ZFHX3: variants seen among roughly 807,000 people sequenced by gnomAD.
ZFHX3 encodes zinc finger homeobox protein 3.
Under a neutral mutation model 279.1 loss-of-function variants are expected in ZFHX3, and 42 were observed. That is an observed-to-expected ratio of 0.15 (90% CI 0.12 to 0.19). ZFHX3 has a LOEUF of 0.19. Ranked by LOEUF, ZFHX3 falls within the 10% of genes least tolerant of loss-of-function variation. The pLI is 1.00. For synonymous variants in ZFHX3, 2,293 were observed against 1,957.8 expected (o/e 1.17, Z -4.52); for missense variants, 4,981 against 4,754.0 (o/e 1.05, Z -1.40).
intron 3 of ZFHX3, among the ~76,000 whole-genome samples, chr16:73,406,855 T>C (rs2017369763): frequency 1.3e-5 from 2 of 152,210 alleles, no homozygotes; most frequent in African/African-American, 4.8e-5. Flanking sequence ...TGCAGCCTTA[T>C]CATCTTGAGC....
intron 2 of ZFHX3, among the ~76,000 whole-genome samples, chr16:73,490,970 A>G (rs1216369291): frequency 2.6e-5 from 4 of 152,206 alleles, no homozygotes; most frequent in Non-Finnish European, 5.9e-5. Context: ...TATTTATCTC[A>G]TTACTCTGTT....
intron 1 of ZFHX3, among the ~76,000 whole-genome samples, chr16:73,830,199 C>T (rs368377666): frequency 0.013 from 1,710 of 135,018 alleles, 14 homozygotes; most frequent in Non-Finnish European, 0.019. Flanking sequence ...TTCTTTGACT[C>T]GGAAAGGGAA....
chr16:73,158,035 G>T (rs899153629), intron 5 of ZFHX3, among the ~76,000 whole-genome samples: 4 of 152,126 alleles, frequency 2.6e-5, no homozygotes, highest in Non-Finnish European at 5.9e-5. Context: ...ACAGGAAAGG[G>T]AGGGTCACAT....
intron 3 of ZFHX3, among the ~76,000 whole-genome samples, chr16:73,344,775 G>T (rs2016094585): frequency 6.6e-6 from 1 of 152,188 alleles, no homozygotes; most frequent in South Asian, 2.1e-4. Context: ...AATGGTAAGG[G>T]AATGGGACAA....
intron 4 of ZFHX3, among the ~76,000 whole-genome samples, chr16:73,286,291 T>A (rs2014594600): frequency 6.6e-6 from 1 of 152,142 alleles, no homozygotes; most frequent in South Asian, 2.1e-4. Context: ...ATAAACCTGA[T>A]TTTCAAAGCT....
rs909470826 is a variant in ZFHX3, at chr16:73,619,466, T to C, written c.-1547+60714A>G. ...TCGTGCCACTGCACTTCAGCCTGGG[T>C]GACAGAGCGATACTGTGTCTCAAAA... On this transcript the variant is annotated intron_variant, in intron 2 of 17. Coordinates refer to the ZFHX3 transcript ENST00000641206. Among the ~76,000 whole-genome samples, 3 of 139,402 alleles carry C rather than the reference T, an allele frequency of 2.2e-5. No homozygotes were observed. In the South Asian group the frequency reaches 6.9e-4, roughly 32 times the overall value. 91.5% of individuals were successfully genotyped at this position (139,402 alleles called of 152,430 possible).
chr16:72,850,353 G>A (rs1393009253), intron 4 of ZFHX3, among the ~76,000 whole-genome samples: 1 of 152,194 alleles, frequency 6.6e-6, no homozygotes, highest in African/African-American at 2.4e-5. Context: ...ACTTACCACA[G>A]GACGAACGAC....
At chr16:72,986,740 T>G (rs2144557021) in intron 1 of ZFHX3, among the ~76,000 whole-genome samples, 1 of 152,298 alleles carries the variant, frequency 6.6e-6, no homozygotes, top group South Asian at 2.1e-4. Flanking sequence ...ATCATGTTCT[T>G]CGGACCTCTT....
chr16:73,227,848 CAAAAAAA>C (rs398029895), intron 5 of ZFHX3, among the ~76,000 whole-genome samples: 5 of 46,042 alleles, frequency 1.1e-4, no homozygotes, highest in Admixed American at 2.9e-4. Context: ...GATTCTGTCT[CAAAAAAA>C]AAAAAAAAAA....
At chr16:73,475,758 C>A (rs1354640886) in intron 2 of ZFHX3, among the ~76,000 whole-genome samples, 2 of 152,050 alleles carry the variant, frequency 1.3e-5, no homozygotes, top group African/African-American at 2.4e-5. Context: ...AGAGTATATT[C>A]CAATTTTCTA....
intron 4 of ZFHX3, among the ~76,000 whole-genome samples, chr16:73,317,005 T>C (rs1048088782): frequency 2.6e-5 from 4 of 152,196 alleles, no homozygotes; most frequent in African/African-American, 9.7e-5. Flanking sequence ...ACAGAGGAAC[T>C]TGGAGACTAG....
intron 3 of ZFHX3, among the ~76,000 whole-genome samples, chr16:73,399,837 GGTGTGTGTGT>G (rs4011546): frequency 1.3e-5 from 2 of 148,282 alleles, no homozygotes; most frequent in East Asian, 2.0e-4. Context: ...TGTGGTGTGT[GGTGTGTGTGT>G]GTGTGTGTGT....
intron 2 of ZFHX3, among the ~76,000 whole-genome samples, chr16:73,645,149 G>T (rs994340700): frequency 6.6e-6 from 1 of 152,098 alleles, no homozygotes; most frequent in African/African-American, 2.4e-5. Flanking sequence ...GAACAGAAAG[G>T]CTTTCACTGC....
chr16:72,993,984 T>C (rs1169072748), intron 1 of ZFHX3, among the ~76,000 whole-genome samples: 1 of 152,122 alleles, frequency 6.6e-6, no homozygotes, highest in African/African-American at 2.4e-5. Context: ...AAACAATTAA[T>C]ATACTTAATA....
chr16:73,253,104 C>A (rs1034720646), intron 5 of ZFHX3, among the ~76,000 whole-genome samples: 8 of 152,178 alleles, frequency 5.3e-5, no homozygotes, highest in African/African-American at 1.9e-4. Context: ...GCTAGAACTG[C>A]ACCATTCCAC....
intron 2 of ZFHX3, among the ~76,000 whole-genome samples, chr16:73,500,668 A>T (rs2019220662): frequency 6.9e-6 from 1 of 144,872 alleles, no homozygotes; most frequent in South Asian, 2.2e-4. Context: ...AGAGTTAAAA[A>T]AAAAAAAAAG....
At chr16:72,862,171 T>C (rs988422457) in intron 4 of ZFHX3, among the ~76,000 whole-genome samples, 2 of 152,142 alleles carry the variant, frequency 1.3e-5, no homozygotes, top group Non-Finnish European at 2.9e-5. Context: ...GCTGAATACC[T>C]CCAAGGGTTT....
chr16:72,803,789 TGAG>T, intron 7 of ZFHX3, among the ~76,000 whole-genome samples: 1 of 152,202 alleles, frequency 6.6e-6, no homozygotes. Flanking sequence ...TGAGAAGTAA[TGAG>T]AAGACAAAAG....
chr16:73,853,443 A>G (rs753090871), intron 1 of ZFHX3, among the ~76,000 whole-genome samples: 5 of 152,234 alleles, frequency 3.3e-5, no homozygotes, highest in Admixed American at 6.5e-5. Flanking sequence ...ATCCATCAAC[A>G]GTTGACTGGA....
Sources: gnomAD v4.1 joint callset for allele counts (sites outside exome capture counted in the v4.1 genomes callset) on GRCh38, gnomAD v4.1.1 for gene constraint, MANE v1.5 for transcripts, NCBI Gene and HGNC (gene_info 2026-07-23, HGNC 2026-07-21) for gene names.